DTNA: variants seen among roughly 807,000 people sequenced by gnomAD.
DTNA encodes dystrobrevin alpha.
A neutral mutation model predicts 100.7 loss-of-function variants in DTNA; 43 were observed. The ratio of observed to expected loss-of-function variants is 0.43; its 90% confidence interval spans 0.33 to 0.55. DTNA has a LOEUF of 0.55. Among genes scored for constraint, DTNA ranks in the 20% least tolerant of loss-of-function variants. DTNA has a pLI of 0.04. For missense variants in DTNA, 798 were observed against 953.9 expected, an observed-to-expected ratio of 0.84 and a Z score of 2.15; for synonymous variants, 349 against 347.9, an observed-to-expected ratio of 1.00 and a Z score of -0.04.
chr18:34,847,060 A>G (rs1258967678), intron 13 of DTNA, among the ~76,000 whole-genome samples: 1 of 152,198 alleles, frequency 6.6e-6, no homozygotes, highest in African/African-American at 2.4e-5. Flanking sequence ...ACAATAACCA[A>G]TAAGCCAAAC....
rs542519643 is a variant in DTNA at position 34,565,397 on chromosome 18, G to A, written c.-2+71883G>A. Among the ~76,000 whole-genome samples the A allele has an allele frequency of 8.5e-5, 13 of 152,334 alleles. 1 individual carries two copies. In the South Asian group the frequency reaches 2.5e-3, roughly 29 times the overall value. On this transcript the variant is annotated intron_variant, in intron 1 of 19. Coordinates refer to the DTNA transcript ENST00000283365. ...AGGAGAAAACTGGGCCCTTGGGCAG[G>A]GGGAAATTTAGAAAGGGTACTGTAT...
At chr18:34,810,533 G>C (rs1423889995) in intron 5 of DTNA, among the ~76,000 whole-genome samples, 1 of 151,492 alleles carries the variant, frequency 6.6e-6, no homozygotes, top group Non-Finnish European at 1.5e-5. Context: ...GCTGGGAAGG[G>C]TAGGGGGCTG....
chr18:34,829,516 A>G, intron 11 of DTNA, 27 bp downstream of exon 11: 1 of 1,493,428 alleles, frequency 6.7e-7, no homozygotes, highest in Non-Finnish European at 8.9e-7. Context: ...TGAATTGCTA[A>G]TCGTAGTAGT....
chr18:34,754,118 G>A (rs2092605127), intron 1 of DTNA, among the ~76,000 whole-genome samples: 1 of 152,064 alleles, frequency 6.6e-6, no homozygotes, highest in Non-Finnish European at 1.5e-5. Context: ...ATAAACCAAA[G>A]CTACTCTACG....
intron 1 of DTNA, among the ~76,000 whole-genome samples, chr18:34,524,491 A>G (rs566736096): frequency 3.3e-5 from 5 of 150,744 alleles, no homozygotes; most frequent in Non-Finnish European, 7.4e-5. Flanking sequence ...GCTCACTTAA[A>G]GAAACCCAGA....
intron 1 of DTNA, among the ~76,000 whole-genome samples, chr18:34,660,836 G>T (rs147612831): frequency 2.0e-5 from 3 of 151,968 alleles, no homozygotes; most frequent in African/African-American, 4.8e-5. Flanking sequence ...GCTTTGAGTT[G>T]TGCCACCTTT....
At chr18:34,725,362 A>C (rs760676348) in intron 1 of DTNA, among the ~76,000 whole-genome samples, 2 of 152,110 alleles carry the variant, frequency 1.3e-5, no homozygotes, top group East Asian at 3.9e-4. Flanking sequence ...CAAAGGGCTA[A>C]TATCTAGAAT....
intron 1 of DTNA, among the ~76,000 whole-genome samples, chr18:34,519,491 T>TGG (rs1174057432): frequency 6.6e-6 from 1 of 152,152 alleles, no homozygotes; most frequent in East Asian, 1.9e-4. Context: ...TTTCATCATC[T>TGG]GTGAAATGGG....
chr18:34,853,279 C>G (rs972955291), intron 15 of DTNA, among the ~76,000 whole-genome samples: 3 of 152,154 alleles, frequency 2.0e-5, no homozygotes, highest in Admixed American at 6.5e-5. Context: ...CAAAACATTT[C>G]CATGCTTAAC....
intron 1 of DTNA, among the ~76,000 whole-genome samples, chr18:34,507,837 G>A (rs967782512): frequency 1.3e-5 from 2 of 152,144 alleles, no homozygotes; most frequent in African/African-American, 2.4e-5. Context: ...ACACGCTAAC[G>A]TTGAGAACCA....
intron 17 of DTNA, among the ~76,000 whole-genome samples, chr18:34,865,282 CTTTT>C (rs71927925): frequency 6.6e-6 from 1 of 151,558 alleles, no homozygotes; most frequent in Non-Finnish European, 1.5e-5. Flanking sequence ...CTTTCTTTCT[CTTTT>C]TTTTGTCTAC....
chr18:34,597,781 C>A (rs138760509), intron 1 of DTNA, among the ~76,000 whole-genome samples: 1 of 151,560 alleles, frequency 6.6e-6, no homozygotes, highest in Non-Finnish European at 1.5e-5. Flanking sequence ...CCCCCGCCCC[C>A]CCAGAATGCC....
chr18:34,769,725 C>CTTTTTTTTTTTGTTTTTTTTTTTTTTTTT, intron 3 of DTNA, among the ~76,000 whole-genome samples: 1 of 53,884 alleles, frequency 1.9e-5, no homozygotes, highest in Admixed American at 3.0e-4. Flanking sequence ...CCCTCTGGGG[C>CTTTTTTTTTTTGTTTTTTTTTTTTTTTTT]TTTTTTTTTT....
intron 1 of DTNA, among the ~76,000 whole-genome samples, chr18:34,514,871 G>A (rs78424576): frequency 0.017 from 2,535 of 152,056 alleles, 60 homozygotes; most frequent in African/African-American, 0.049. Context: ...CCATCAACTT[G>A]GGTGTTAGGA....
intron 22 of DTNA, 35 bp from the exon 23 acceptor site, chr18:34,887,731 A>G (rs1024198231): frequency 5.6e-5 from 55 of 985,314 alleles, no homozygotes; most frequent in Non-Finnish European, 6.1e-5. Context: ...AACAATTTGC[A>G]TCTTTAAAAA....
At chr18:34,529,995 A>G (rs1264539367) in intron 1 of DTNA, among the ~76,000 whole-genome samples, 3 of 152,174 alleles carry the variant, frequency 2.0e-5, no homozygotes, top group African/African-American at 7.2e-5. Context: ...CTTTGAATAC[A>G]TAGATATGAT....
intron 11 of DTNA, among the ~76,000 whole-genome samples, chr18:34,835,056 T>A (rs1304800107): frequency 2.6e-5 from 4 of 152,336 alleles, no homozygotes; most frequent in East Asian, 3.9e-4. Flanking sequence ...TCATTTCATT[T>A]TGAAAGAGTG....
chr18:34,842,200 T>C (rs1364638960), intron 13 of DTNA, among the ~76,000 whole-genome samples: 1 of 152,158 alleles, frequency 6.6e-6, no homozygotes, highest in Non-Finnish European at 1.5e-5. Flanking sequence ...ACCTCTAACA[T>C]TGTCACTTGA....
chr18:34,846,912 G>T (rs1395847833), intron 13 of DTNA, among the ~76,000 whole-genome samples: 2 of 152,164 alleles, frequency 1.3e-5, no homozygotes, highest in Admixed American at 1.3e-4. Flanking sequence ...GCATAAGAGG[G>T]TGTCTTTACA....
Sources: gnomAD v4.1 joint callset for allele counts (sites outside exome capture counted in the v4.1 genomes callset) on GRCh38, gnomAD v4.1.1 for gene constraint, MANE v1.5 for transcripts, NCBI Gene and HGNC (gene_info 2026-07-23, HGNC 2026-07-21) for gene names.